Variants in SKA3 observed in about 807,000 individuals in gnomAD.
SKA3 encodes spindle and kinetochore-associated protein 3.
In SKA3, 39 loss-of-function variants were observed where a neutral mutation model predicts 44.2. The observed-to-expected ratio is 0.88, with a 90% CI of 0.68 to 1.15. The LOEUF (loss-of-function observed/expected upper bound fraction) is 1.15, where lower values mean the gene tolerates loss of function less well. SKA3 is among the 50% of genes most tolerant of loss of function. SKA3 has a pLI of 0.00. For missense variants in SKA3, 511 were observed against 485.8 expected, an observed-to-expected ratio of 1.05 and a Z score of -0.49; for synonymous variants, 192 against 172.0, an observed-to-expected ratio of 1.12 and a Z score of -0.91.
In SKA3 at chr13:21,155,822, A is replaced by AAG. The variant is rs1848809369; in HGVS notation, c.1120-12_1120-11insCT. 3 of 1,049,722 alleles carry AAG rather than the reference A, an allele frequency of 2.9e-6. No homozygotes were observed. Among genetic ancestry groups the AAG allele is most frequent in the African/African-American group, 1.5e-5 (1 of 64,760 alleles). 65.0% of individuals were successfully genotyped at this position (1,049,722 alleles called of 1,614,324 possible). A position where few individuals can be genotyped will look rare whatever the true frequency, so the allele number is the denominator to read the frequency against. ...GTATTTTGATAAAAGCTAAAAAAAA[A>AAG]AAAGGAAATTCCTTTTTATCGAGCC... On this transcript the variant is annotated splice_polypyrimidine_tract_variant and intron_variant, in intron 7 of 8. Coordinates refer to ENST00000314759, the MANE Select transcript of SKA3 (RefSeq NM_145061.6).
chr13:21,175,039 C>T (rs1871377645), intron 1 of SKA3, among the ~76,000 whole-genome samples: 1 of 150,360 alleles, frequency 6.7e-6, no homozygotes, highest in Non-Finnish European at 1.5e-5. Context: ...TGCAGTGGCG[C>T]GATCTCGGGT....
intron 6 of SKA3, among the ~76,000 whole-genome samples, chr13:21,158,456 A>G (rs532578722): frequency 1.3e-5 from 2 of 152,098 alleles, no homozygotes; most frequent in African/African-American, 2.4e-5. Flanking sequence ...CCCCATCTCT[A>G]CTAAAAATAC....
intron 3 of SKA3, among the ~76,000 whole-genome samples, chr13:21,170,424 C>G (rs1337622866): frequency 6.6e-6 from 1 of 152,162 alleles, no homozygotes; most frequent in Non-Finnish European, 1.5e-5. Context: ...AGGTGATCTG[C>G]CCGCCTTGGC....
intron 4 of SKA3, among the ~76,000 whole-genome samples, chr13:21,166,897 G>A (rs1465300160): frequency 6.6e-6 from 1 of 152,086 alleles, no homozygotes; most frequent in East Asian, 1.9e-4. Context: ...TTTCCCCAGA[G>A]TTGTGGGGTT....
chr13:21,155,408 A>AT (rs369888291), intron 8 of SKA3, among the ~76,000 whole-genome samples: 39 of 145,042 alleles, frequency 2.7e-4, no homozygotes, highest in African/African-American at 8.6e-4. Context: ...TCAAATGTTA[A>AT]TTTTTTTTTT....
intron 4 of SKA3, among the ~76,000 whole-genome samples, chr13:21,165,485 T>TA (rs1421409520): frequency 6.6e-6 from 1 of 152,126 alleles, no homozygotes; most frequent in Non-Finnish European, 1.5e-5. Flanking sequence ...TGTAACTATA[T>TA]AAAATATATA....
chr13:21,162,852 G>A (rs9552374), intron 4 of SKA3, among the ~76,000 whole-genome samples: 138,581 of 152,118 alleles, frequency 0.91, 63,501 homozygotes, highest in East Asian at 1. Context: ...ATCAGGCTGC[G>A]CAACATAGCA....
chr13:21,155,185 T>TA (rs921103040), intron 8 of SKA3, 35 bp from the exon 9 acceptor site: 5 of 1,274,414 alleles, frequency 3.9e-6, no homozygotes, highest in Non-Finnish European at 5.2e-6. Context: ...ATCAATTTAA[T>TA]AAAATTAAAA....
rs746308159 is a variant in SKA3, at chr13:21,176,412, C to T, written c.66G>A (p.Thr22=). The T allele has an allele frequency of 1.6e-5, 25 of 1,583,626 alleles. No individual in the cohort carries two copies. The South Asian group carries it at 1.6e-4, about 10-fold the overall frequency. The change falls in exon 1 of 9, where the codon ACG becomes ACA. Residue 22 remains threonine (T), a synonymous_variant. Transcript: ENST00000314759. ...RSLASTLDCE[T]ARLQRALDGE... ...CGTCCAGCGCTCGCTGCAGCCGGGC[C>T]GTCTCGCAGTCCAGCGTGCTGGCCA...
At chr13:21,175,098 T>C (rs1276157713) in intron 1 of SKA3, among the ~76,000 whole-genome samples, 1 of 151,428 alleles carries the variant, frequency 6.6e-6, no homozygotes, top group Non-Finnish European at 1.5e-5. Flanking sequence ...CACCTCAGCC[T>C]CCGAGTAGCT....
intron 4 of SKA3, among the ~76,000 whole-genome samples, chr13:21,163,827 G>C (rs189358132): frequency 1.3e-5 from 2 of 152,094 alleles, no homozygotes; most frequent in African/African-American, 2.4e-5. Context: ...GCAGTGGCAC[G>C]ATCTCAGCTC....
intron 3 of SKA3, among the ~76,000 whole-genome samples, chr13:21,170,846 C>T (rs906625242): frequency 6.6e-6 from 1 of 152,190 alleles, no homozygotes; most frequent in Non-Finnish European, 1.5e-5. Flanking sequence ...GTGGCTCTTT[C>T]ACACCAAAGT....
rs145922109 is a variant in SKA3 at position 21,162,629 on chromosome 13, A to G, written c.744-754T>C. Among the ~76,000 whole-genome samples, 227 of 152,260 alleles carry G rather than the reference A, an allele frequency of 1.5e-3. 2 individuals carry two copies. Among genetic ancestry groups the G allele is most frequent in the African/African-American group, 5.2e-3 (216 of 41,554 alleles). The stretch of plus-strand genomic sequence containing the variant: ...GTGATCCACCCACCTTGACCTCCCA[A>G]AGTGCTGGGATTACAGGTGTGGATT... On this transcript the variant is annotated intron_variant, in intron 4 of 8. Coordinates refer to ENST00000314759, the MANE Select transcript of SKA3 (RefSeq NM_145061.6).
At position 21,172,394 on chromosome 13, in the gene SKA3, T is replaced by C. The variant is rs569818567; in HGVS notation, c.276A>G (p.Lys92=). Residue 92 remains lysine, a synonymous_variant, in exon 3 of 9, where the codon AAA becomes AAG. Coordinates refer to ENST00000314759, the MANE Select transcript of SKA3 (RefSeq NM_145061.6). ...LMEKNSMDIM[K]IREYFQKYGY... The stretch of plus-strand genomic sequence containing the variant: ...CATACTTCTGGAAATACTCTCTTAT[T>C]TTCATAATATCCATTGAATTTTTTT... 193 of 1,587,582 alleles carry C rather than the reference T, an allele frequency of 1.2e-4. No individual in the cohort carries two copies. The highest frequency in any genetic ancestry group is 6.6e-4 in the Admixed American group (34 of 51,372).
chr13:21,168,241 C>T lies in SKA3; in HGVS notation c.490G>A (p.Glu164Lys). The T allele has an allele frequency of 1.2e-6, 2 of 1,614,180 alleles. No homozygotes were observed. Among genetic ancestry groups the T allele is most frequent in the Non-Finnish European group, 1.7e-6 (2 of 1,180,032 alleles). Residue 164 changes from glutamate (E) to lysine (K), a missense_variant, in exon 4 of 9, where the codon GAG (glutamate) becomes AAG (lysine). Physicochemically the swap from Glu to Lys is moderately conservative, Grantham distance 56 (BLOSUM62 1). Transcript: ENST00000314759. ...RSPQLSDFGL[E>K]RYIVSQVLPN... ...AGAACTTGGGATACGATGTACCGCT[C>T]AAGTCCAAAATCTGAAAGTTGTGGA...
chr13:21,156,778 GGGCCGGGCGCGGTGGC>G, intron 7 of SKA3, among the ~76,000 whole-genome samples: 1 of 58,662 alleles, frequency 1.7e-5, no homozygotes, highest in South Asian at 7.0e-4. Context: ...TTCCACACGT[GGGCCGGGCGCGGTGGC>G]TCACGCCTGT....
At position 21,168,249 on chromosome 13, in the gene SKA3, A is replaced by G. The variant is rs1040578847; in HGVS notation, c.482T>C (p.Phe161Ser). Reference protein sequence around the residue: ...KSPRSPQLSDFGLERYIVSQV... With the variant: ...KSPRSPQLSDSGLERYIVSQV... ...GGATACGATGTACCGCTCAAGTCCA[A>G]AATCTGAAAGTTGTGGACTACGTGG... Residue 161 changes from phenylalanine to serine, a missense_variant, in exon 4 of 9, where the codon TTT becomes TCT. By Grantham distance (155) the Phe-to-Ser change is radical (BLOSUM62 -2). Transcript: ENST00000314759. 1.2e-6 allele frequency: 2 copies of G among 1,614,190 alleles called. No homozygotes were observed. The highest frequency in any genetic ancestry group is 1.7e-6 in the Non-Finnish European group (2 of 1,180,040).
In SKA3 at chr13:21,171,427, A is replaced by C. The variant is rs573728846; in HGVS notation, c.331+912T>G. Among the ~76,000 whole-genome samples the C allele has an allele frequency of 3.4e-4, 52 of 152,140 alleles. 1 individual carries two copies. The South Asian group carries it at 4.6e-3, about 13-fold the overall frequency. ...CCGTCTCTAATAAAAATACAAAAAA[A>C]TTAGCTGGGCGTGGTGGCGGGCCCC... On this transcript the variant is annotated intron_variant, in intron 3 of 8. Coordinates refer to ENST00000314759, the MANE Select transcript of SKA3 (RefSeq NM_145061.6).
chr13:21,165,602 T>C (rs1194248411), intron 4 of SKA3, among the ~76,000 whole-genome samples: 1 of 152,104 alleles, frequency 6.6e-6, no homozygotes, highest in East Asian at 1.9e-4. Flanking sequence ...CACAGAAATA[T>C]TTCTTATTTC....
Sources: allele counts gnomAD v4.1 joint callset (sites outside exome capture counted in the v4.1 genomes callset), GRCh38; gene constraint gnomAD v4.1.1; transcripts MANE v1.5; gene names NCBI Gene and HGNC (gene_info 2026-07-23, HGNC 2026-07-21).